The following MYO1D variants were observed in gnomAD, a reference collection of about 807,000 sequenced individuals.
MYO1D encodes the protein unconventional myosin-Id.
MYO1D carries 83 observed loss-of-function variants against 122.0 expected under a neutral mutation model. The ratio of observed to expected loss-of-function variants is 0.68; its 90% CI spans 0.57 to 0.82. The LOEUF (loss-of-function observed/expected upper bound fraction) is 0.82. Among genes scored for constraint, MYO1D ranks in the 40% least tolerant of loss-of-function variants. The pLI is 0.00. For missense variants in MYO1D, 1,157 were observed against 1,269.5 expected (o/e 0.91, Z 1.35); for synonymous variants, 464 against 446.9 (o/e 1.04, Z -0.48).
At chr17:32,584,220 C>T (rs2087366486) in intron 21 of MYO1D, among the ~76,000 whole-genome samples, 1 of 152,188 alleles carries the variant, frequency 6.6e-6, no homozygotes, top group Non-Finnish European at 1.5e-5. Flanking sequence ...TACCTCTGTG[C>T]TTTAAACCAC....
intron 21 of MYO1D, among the ~76,000 whole-genome samples, chr17:32,524,650 G>A (rs1311246509): frequency 2.8e-5 from 4 of 145,022 alleles, no homozygotes; most frequent in Admixed American, 7.3e-5. Context: ...TGCAACCTCC[G>A]CCTCTGGGTT....
intron 1 of MYO1D, among the ~76,000 whole-genome samples, chr17:32,810,385 T>C (rs1276171544): frequency 6.6e-6 from 1 of 152,198 alleles, no homozygotes; most frequent in Non-Finnish European, 1.5e-5. Context: ...GGATTTCCCC[T>C]GGTAATTTAG....
Position 32,670,595 on chromosome 17 carries a change from C to A in MYO1D, c.2122-11257G>T, listed in dbSNP as rs551190645. 5.9e-5 allele frequency among the ~76,000 whole-genome samples: 9 copies of A among 152,330 alleles called. No homozygotes were observed. The East Asian group carries it at 1.7e-3, about 29-fold the overall frequency. ...CTACAAGTCAAATCCATGGATGAGA[C>A]TGAGAACCTGTCTTCCCATTTGGTG... On this transcript the variant is annotated intron_variant, in intron 16 of 21. Coordinates refer to ENST00000318217, the MANE Select transcript of MYO1D (RefSeq NM_015194.3).
intron 11 of MYO1D, among the ~76,000 whole-genome samples, chr17:32,753,446 G>C (rs2089917966): frequency 6.6e-6 from 1 of 152,114 alleles, no homozygotes; most frequent in Admixed American, 6.6e-5. Context: ...ACTTGTCTTA[G>C]GGATACCAAA....
At chr17:32,627,876 C>A (rs1399266905) in intron 20 of MYO1D, 1 of 152,134 alleles carries the variant, frequency 6.6e-6, no homozygotes, top group African/African-American at 2.4e-5. Flanking sequence ...AAATTAAACT[C>A]AATCTTGGCA....
chr17:32,847,825 T>C (rs999969512), intron 1 of MYO1D, among the ~76,000 whole-genome samples: 4 of 152,212 alleles, frequency 2.6e-5, no homozygotes, highest in African/African-American at 7.2e-5. Context: ...AGAATAGTTA[T>C]TATTAATACA....
intron 21 of MYO1D, among the ~76,000 whole-genome samples, chr17:32,571,224 G>A (rs73278220): frequency 0.027 from 4,123 of 152,182 alleles, 179 homozygotes; most frequent in African/African-American, 0.095. Flanking sequence ...GAGGAGATGT[G>A]GGGGAGTGGG....
At chr17:32,674,996 G>A (rs553488298) in intron 16 of MYO1D, among the ~76,000 whole-genome samples, 6 of 152,246 alleles carry the variant, frequency 3.9e-5, no homozygotes, top group East Asian at 1.9e-4. Context: ...ATAGAAGGGG[G>A]AATGACAGGA....
chr17:32,688,415 G>A (rs997014571), intron 16 of MYO1D, among the ~76,000 whole-genome samples: 1 of 152,164 alleles, frequency 6.6e-6, no homozygotes, highest in South Asian at 2.1e-4. Context: ...CAGGCACATT[G>A]TTCCTGCTTC....
At chr17:32,758,523 C>T (rs542609203) in intron 10 of MYO1D, among the ~76,000 whole-genome samples, 16 of 151,960 alleles carry the variant, frequency 1.1e-4, no homozygotes, top group African/African-American at 3.9e-4. Context: ...TGAATAGATA[C>T]CCAATTGAAT....
intron 4 of MYO1D, 42 bp downstream of exon 4, chr17:32,775,815 AAACATTC>A: frequency 7.0e-7 from 1 of 1,437,324 alleles, no homozygotes; most frequent in East Asian, 2.3e-5. Context: ...TAATTTGTTT[AAACATTC>A]AGCACTTAAA....
intron 1 of MYO1D, among the ~76,000 whole-genome samples, chr17:32,822,700 C>T (rs1435443255): frequency 1.3e-5 from 2 of 150,876 alleles, no homozygotes; most frequent in Non-Finnish European, 3.0e-5. Flanking sequence ...CGTCCCTCCT[C>T]CTCTTTCCTC....
chr17:32,824,066 C>CAAAAA lies in MYO1D; in HGVS notation c.96-43287_96-43283dup, dbSNP rs58786179. Reference sequence around the variant, plus strand: ...TGGGCGATAGAGCAAGACTCCGTCTCAAAAAAAAAAAAAAAAAAGAAGTAC... The same window carrying CAAAAA: ...TGGGCGATAGAGCAAGACTCCGTCTCAAAAAAAAAAAAAAAAAAAAAAAGAAGTAC... On this transcript the variant is annotated intron_variant, in intron 1 of 21. Coordinates refer to ENST00000318217, the MANE Select transcript of MYO1D (RefSeq NM_015194.3). Among the ~76,000 whole-genome samples the CAAAAA allele has an allele frequency of 2.9e-3, 269 of 92,416 alleles. 3 individuals are homozygous for CAAAAA. The highest frequency in any genetic ancestry group is 0.011 in the African/African-American group (251 of 23,506). 60.6% of individuals were successfully genotyped at this position (92,416 alleles called of 152,430 possible).
In MYO1D at chr17:32,511,630, G is replaced by A. The variant is rs117082401; in HGVS notation, c.2865-16715C>T. ...CTTTTTTTTTTTTTTGGACATCTTT[G>A]CTATTTCCTGCTTATATTTCTGTTC... is the stretch of plus-strand genomic sequence containing the variant. On this transcript the variant is annotated intron_variant, in intron 21 of 21. Transcript: ENST00000318217. Among the ~76,000 whole-genome samples, 1,054 of 137,826 alleles carry A rather than the reference G, an allele frequency of 7.6e-3. 39 individuals are homozygous for A. Among genetic ancestry groups the A allele is most frequent in the Admixed American group, 0.059 (817 of 13,784 alleles). The allele number at this position is 137,826 out of a possible 152,430, so 90.4% of individuals were successfully genotyped here.
At chr17:32,698,526 AT>A (rs1312107864) in intron 16 of MYO1D, among the ~76,000 whole-genome samples, 1 of 152,052 alleles carries the variant, frequency 6.6e-6, no homozygotes, top group Non-Finnish European at 1.5e-5. Context: ...GAAAGCCCCC[AT>A]CACTTCATGT....
intron 21 of MYO1D, among the ~76,000 whole-genome samples, chr17:32,551,556 CCACA>C (rs56031542): frequency 0.17 from 24,849 of 150,208 alleles, 2,543 homozygotes; most frequent in African/African-American, 0.29. Context: ...CATCCCACTG[CCACA>C]CACACACACA....
At chr17:32,578,899 G>A (rs913762772) in intron 21 of MYO1D, among the ~76,000 whole-genome samples, 8 of 151,964 alleles carry the variant, frequency 5.3e-5, no homozygotes, top group Admixed American at 1.3e-4. Flanking sequence ...CTGCTTTGGC[G>A]TAACTTCAGA....
intron 1 of MYO1D, among the ~76,000 whole-genome samples, chr17:32,866,778 A>G (rs867203777): frequency 3.3e-5 from 5 of 152,226 alleles, no homozygotes; most frequent in Middle Eastern, 3.2e-3. Context: ...CAGCCCACGC[A>G]TGCTTAAAGT....
chr17:32,594,808 G>A (rs973647840), intron 21 of MYO1D, among the ~76,000 whole-genome samples: 4 of 152,178 alleles, frequency 2.6e-5, no homozygotes, highest in Non-Finnish European at 5.9e-5. Flanking sequence ...GAGCTGGCTT[G>A]TGTGCACAGA....
Sources: allele counts gnomAD v4.1 joint callset (sites outside exome capture counted in the v4.1 genomes callset), GRCh38; gene constraint gnomAD v4.1.1; transcripts MANE v1.5; gene names NCBI Gene and HGNC (gene_info 2026-07-23, HGNC 2026-07-21).